The following ATF6 variants were observed in gnomAD, a reference collection of about 807,000 sequenced individuals.
ATF6 encodes cyclic AMP-dependent transcription factor ATF-6 alpha.
ATF6 carries 53 observed loss-of-function variants against 83.6 expected under a neutral mutation model. The ratio of observed to expected loss-of-function variants is 0.63; its 90% CI spans 0.51 to 0.80. The LOEUF (loss-of-function observed/expected upper bound fraction) is 0.80, where lower values mean the gene tolerates loss of function less well. Among genes scored for constraint, ATF6 ranks in the 30% least tolerant of loss-of-function variants. The pLI, the probability that ATF6 is intolerant of heterozygous loss-of-function variation, is 0.00. For synonymous variants in ATF6, 288 were observed against 285.8 expected (o/e 1.01, Z -0.08); for missense variants, 744 against 797.9 (o/e 0.93, Z 0.81).
Position 161,791,444 on chromosome 1 carries a change from C to T in ATF6, c.391C>T (p.Pro131Ser), listed in dbSNP as rs781256592. 6.2e-7 allele frequency: 1 copy of T among 1,612,104 alleles called. No individual in the cohort carries two copies. Among genetic ancestry groups the T allele is most frequent in the Non-Finnish European group, 8.5e-7 (1 of 1,179,436 alleles). Residue 131 changes from proline to serine, a missense_variant, in exon 5 of 16, where the codon CCC becomes TCC. By Grantham distance (74) the Pro-to-Ser change is moderately conservative. Transcript: ENST00000367942. Reference protein sequence around the residue: ...LDLSSSSQMSPLSLYGENSNS... With the variant: ...LDLSSSSQMSSLSLYGENSNS... ...TTTGTCTTCTAGTTCTCAGATGTCT[C>T]CCCTTTCCTTATATGGTGAAAACTC...
chr1:161,770,059 C>T (rs1286775986), intron 1 of ATF6, among the ~76,000 whole-genome samples: 1 of 152,194 alleles, frequency 6.6e-6, no homozygotes, highest in African/African-American at 2.4e-5. Flanking sequence ...AAGCCCTATG[C>T]TCTACCTATT....
chr1:161,874,290 A>G (rs1362478103), intron 14 of ATF6, among the ~76,000 whole-genome samples: 2 of 151,588 alleles, frequency 1.3e-5, no homozygotes, highest in Non-Finnish European at 3.0e-5. Flanking sequence ...GATGCCTGTT[A>G]TAATGTGTCT....
At chr1:161,771,178 G>T (rs187006847) in intron 1 of ATF6, among the ~76,000 whole-genome samples, 6 of 152,148 alleles carry the variant, frequency 3.9e-5, no homozygotes, top group Admixed American at 1.3e-4. Context: ...TTGTGCAAAA[G>T]CTGCTTTATT....
At chr1:161,904,687 T>A (rs1687850234) in intron 14 of ATF6, among the ~76,000 whole-genome samples, 2 of 152,034 alleles carry the variant, frequency 1.3e-5, no homozygotes, top group Non-Finnish European at 2.9e-5. Flanking sequence ...GTTCTATTTA[T>A]GATGAAAGAA....
At chr1:161,771,117 A>G (rs1213870714) in intron 1 of ATF6, among the ~76,000 whole-genome samples, 3 of 151,998 alleles carry the variant, frequency 2.0e-5, no homozygotes, top group Admixed American at 2.0e-4. Flanking sequence ...TGCCGTCTGT[A>G]TGTTTTACCC....
intron 10 of ATF6, among the ~76,000 whole-genome samples, chr1:161,848,459 A>G (rs1199325815): frequency 6.6e-6 from 1 of 152,154 alleles, no homozygotes; most frequent in Non-Finnish European, 1.5e-5. Context: ...AGTAGATTCT[A>G]ATCCCATAGT....
chr1:161,942,198 T>C (rs1688660646), intron 15 of ATF6, among the ~76,000 whole-genome samples: 2 of 152,232 alleles, frequency 1.3e-5, no homozygotes, highest in South Asian at 4.1e-4. Flanking sequence ...CATTAACTCC[T>C]CAGCCCTCAT....
At chr1:161,908,527 G>A (rs1267305692) in intron 14 of ATF6, among the ~76,000 whole-genome samples, 1 of 86,572 alleles carries the variant, frequency 1.2e-5, no homozygotes, top group African/African-American at 4.5e-5. Context: ...GTTTCTCCCC[G>A]CCCCCTCCCC....
chr1:161,963,377 T>C lies in ATF6; in HGVS notation c.*4723T>C, dbSNP rs1689141378. 6.6e-6 allele frequency: 1 copy of C among 152,274 alleles called. No homozygotes were observed. Among genetic ancestry groups the C allele is most frequent in the Non-Finnish European group, 1.5e-5 (1 of 68,050 alleles). 9.4% of individuals were successfully genotyped at this position (152,274 alleles called of 1,614,324 possible). On this transcript the variant is annotated 3_prime_UTR_variant, in exon 16 of 16. Transcript: ENST00000367942. ...ATGAATCCATGTCATGGCCAGCCAC[T>C]GTCACATAGTGGGTGCCATTCTCAA...
intron 14 of ATF6, among the ~76,000 whole-genome samples, chr1:161,863,714 A>G (rs1194000694): frequency 1.3e-5 from 2 of 152,216 alleles, no homozygotes; most frequent in Non-Finnish European, 2.9e-5. Context: ...TAGGTTTGAG[A>G]TGGATCATGG....
chr1:161,890,321 C>T (rs1266094466), intron 14 of ATF6, among the ~76,000 whole-genome samples: 2 of 152,174 alleles, frequency 1.3e-5, no homozygotes, highest in African/African-American at 4.8e-5. Flanking sequence ...GTGAAATGAA[C>T]CACTTCTGAT....
intron 9 of ATF6, among the ~76,000 whole-genome samples, chr1:161,844,652 T>G (rs549220718): frequency 1.1e-4 from 17 of 152,186 alleles, no homozygotes; most frequent in Non-Finnish European, 2.2e-4. Context: ...TTCTTAACTT[T>G]GATTTTATTC....
At chr1:161,768,742 T>A (rs1484217900) in intron 1 of ATF6, among the ~76,000 whole-genome samples, 3 of 152,066 alleles carry the variant, frequency 2.0e-5, no homozygotes, top group Non-Finnish European at 1.5e-5. Flanking sequence ...AATTTTTAAT[T>A]TTTGAATTTT....
chr1:161,860,688 T>C (rs1365247859), intron 13 of ATF6, among the ~76,000 whole-genome samples: 3 of 152,112 alleles, frequency 2.0e-5, no homozygotes, highest in Non-Finnish European at 1.5e-5. Flanking sequence ...TAAATCCATG[T>C]AATAACTAAA....
chr1:161,923,711 T>C (rs1688258440), intron 15 of ATF6, among the ~76,000 whole-genome samples: 1 of 152,222 alleles, frequency 6.6e-6, no homozygotes, highest in South Asian at 2.1e-4. Flanking sequence ...TATTAGAACC[T>C]TCACAAGACC....
At chr1:161,880,328 A>ATGTGTG (rs138587790) in intron 14 of ATF6, among the ~76,000 whole-genome samples, 4 of 147,920 alleles carry the variant, frequency 2.7e-5, no homozygotes, top group South Asian at 2.2e-4. Context: ...TGTGATATGT[A>ATGTGTG]TGTGTGTGTG....
At chr1:161,838,765 A>G (rs1686282304) in intron 9 of ATF6, among the ~76,000 whole-genome samples, 1 of 152,198 alleles carries the variant, frequency 6.6e-6, no homozygotes, top group Non-Finnish European at 1.5e-5. Flanking sequence ...TAGCCACTGT[A>G]AAGTGCAGGT....
intron 14 of ATF6, among the ~76,000 whole-genome samples, chr1:161,881,030 A>G (rs1687314536): frequency 6.6e-6 from 1 of 152,062 alleles, no homozygotes; most frequent in South Asian, 2.1e-4. Flanking sequence ...TTATGTGCTT[A>G]TTTGCCATCC....
chr1:161,949,846 A>G (rs1571258572), intron 15 of ATF6, among the ~76,000 whole-genome samples: 1 of 152,166 alleles, frequency 6.6e-6, no homozygotes, highest in Admixed American at 6.5e-5. Flanking sequence ...CACCTCCAAC[A>G]TTAGAGATCA....
Sources: allele counts gnomAD v4.1 joint callset (sites outside exome capture counted in the v4.1 genomes callset), GRCh38; gene constraint gnomAD v4.1.1; transcripts MANE v1.5; gene names NCBI Gene and HGNC (gene_info 2026-07-23, HGNC 2026-07-21).